Variants in CIMAP1D observed in about 807,000 individuals in gnomAD.
CIMAP1D encodes the protein CIMAP1 family member D.
the CIMAP1D span, among the ~76,000 whole-genome samples, chr19:484,220 A>T: frequency 6.9e-6 from 1 of 145,282 alleles, no homozygotes; most frequent in Non-Finnish European, 1.5e-5. Flanking sequence ...GGCTCACCAC[A>T]ATCTCTGCCT....
At chr19:483,256 C>T in the CIMAP1D span, among the ~76,000 whole-genome samples, 3,555 of 149,782 alleles carry the variant, frequency 0.024, 152 homozygotes, top group South Asian at 0.17. Flanking sequence ...CCCATCCCCC[C>T]CCAACACCCA....
At chr19:468,293 G>A in the CIMAP1D span, among the ~76,000 whole-genome samples, 1 of 152,240 alleles carries the variant, frequency 6.6e-6, no homozygotes, top group South Asian at 2.1e-4. Context: ...TTGAGCCTGG[G>A]AGGTTGAGGC....
the CIMAP1D span, among the ~76,000 whole-genome samples, chr19:466,579 A>G: frequency 7.9e-6 from 1 of 125,838 alleles, no homozygotes; most frequent in Admixed American, 8.4e-5. Context: ...AGGTGGGTGG[A>G]TAGATGAGTG....
At chr19:483,961 C>G in the CIMAP1D span, among the ~76,000 whole-genome samples, 1 of 152,138 alleles carries the variant, frequency 6.6e-6, no homozygotes, top group African/African-American at 2.4e-5. Context: ...GAGATCAGTC[C>G]TGGTGTGGGT....
chr19:477,826 C>T, the CIMAP1D span, among the ~76,000 whole-genome samples: 15 of 152,162 alleles, frequency 9.9e-5, no homozygotes, highest in African/African-American at 3.4e-4. Flanking sequence ...CGCCACGGCA[C>T]GCAGGCCCTG....
the CIMAP1D span, among the ~76,000 whole-genome samples, chr19:471,567 C>G: frequency 1.3e-5 from 2 of 151,874 alleles, no homozygotes; most frequent in Non-Finnish European, 2.9e-5. Flanking sequence ...CTGGGCCTCC[C>G]CAGCAGCTGG....
At chr19:463,573 C>T in the CIMAP1D span, 1 of 526,276 alleles carries the variant, frequency 1.9e-6, no homozygotes. Context: ...CGGAAGGTGT[C>T]CCTTTCCCCA....
the CIMAP1D span, among the ~76,000 whole-genome samples, chr19:476,336 A>T: frequency 2.6e-5 from 4 of 151,958 alleles, no homozygotes; most frequent in East Asian, 7.7e-4. Context: ...TACAGGTGTG[A>T]GCCACCGCGC....
the CIMAP1D span, among the ~76,000 whole-genome samples, chr19:466,044 GGGTGGGTGGA>G: frequency 0.017 from 2,499 of 147,734 alleles, 84 homozygotes; most frequent in African/African-American, 0.055. Flanking sequence ...GTGGGTGGAT[GGGTGGGTGGA>G]TGGATGAGTA....
At chr19:483,827 C>A in the CIMAP1D span, among the ~76,000 whole-genome samples, 1 of 152,348 alleles carries the variant, frequency 6.6e-6, no homozygotes, top group Middle Eastern at 3.4e-3. Context: ...GAAGCCCCTG[C>A]AGCCATCTTC....
At chr19:480,491 T>TAAGGCTGATGGAG in the CIMAP1D span, among the ~76,000 whole-genome samples, 2 of 71,102 alleles carry the variant, frequency 2.8e-5, no homozygotes, top group Non-Finnish European at 5.3e-5. Context: ...AGGATGATGG[T>TAAGGCTGATGGAG]AAGGATGATG....
the CIMAP1D span, among the ~76,000 whole-genome samples, chr19:488,483 C>A: frequency 6.6e-6 from 1 of 152,250 alleles, no homozygotes; most frequent in Non-Finnish European, 1.5e-5. Context: ...GATGGCGCCA[C>A]TGCACTCCAG....
the CIMAP1D span, among the ~76,000 whole-genome samples, chr19:477,958 C>T: frequency 1.4e-3 from 207 of 152,354 alleles, no homozygotes; most frequent in Middle Eastern, 3.4e-3. Flanking sequence ...CCACCTCGGC[C>T]TCTGCCTGAG....
the CIMAP1D span, among the ~76,000 whole-genome samples, chr19:465,160 T>G: frequency 8.8e-6 from 1 of 113,086 alleles, no homozygotes; most frequent in Non-Finnish European, 1.8e-5. Context: ...GGTGGGTGGA[T>G]GGCTGGGTGG....
the CIMAP1D span, among the ~76,000 whole-genome samples, chr19:488,269 T>C: frequency 4.8e-3 from 723 of 151,652 alleles, 5 homozygotes; most frequent in African/African-American, 0.016. Context: ...AAGCCTGTAA[T>C]CCCAGCTCCT....
At chr19:463,706 G>C in the CIMAP1D span, 1 of 1,272,090 alleles carries the variant, frequency 7.9e-7, no homozygotes, top group Non-Finnish European at 1.1e-6. Flanking sequence ...AGGTGTCCTA[G>C]AAGGACCTGG....
the CIMAP1D span, among the ~76,000 whole-genome samples, chr19:486,757 A>T: frequency 6.6e-6 from 1 of 151,754 alleles, no homozygotes; most frequent in African/African-American, 2.4e-5. Flanking sequence ...TACTAAAAAT[A>T]CAAAAAATTA....
the CIMAP1D span, among the ~76,000 whole-genome samples, chr19:491,391 A>G: frequency 6.6e-6 from 1 of 152,198 alleles, no homozygotes; most frequent in Non-Finnish European, 1.5e-5. Flanking sequence ...AGACAATTTC[A>G]GTCTCTCGAC....
the CIMAP1D span, among the ~76,000 whole-genome samples, chr19:484,436 T>C: frequency 1.3e-5 from 2 of 152,188 alleles, no homozygotes; most frequent in Admixed American, 6.5e-5. Context: ...CCACCGCGCC[T>C]GGCCTCTTGT....
Sources: gnomAD v4.1 joint callset for allele counts (sites outside exome capture counted in the v4.1 genomes callset) on GRCh38, gnomAD v4.1.1 for gene constraint, MANE v1.5 for transcripts, NCBI Gene and HGNC (gene_info 2026-07-23, HGNC 2026-07-21) for gene names.